The following IMMP2L variants were observed in gnomAD, a reference collection of about 807,000 sequenced individuals.
IMMP2L encodes inner mitochondrial membrane peptidase subunit 2.
Under a neutral mutation model 19.3 loss-of-function variants are expected in IMMP2L, and 18 were observed. That is an observed-to-expected ratio of 0.93 (90% CI 0.64 to 1.38). The LOEUF (loss-of-function observed/expected upper bound fraction) is 1.38, where lower values mean the gene tolerates loss of function less well. Ranked by LOEUF, IMMP2L falls within the 40% of genes most tolerant of loss-of-function variation. IMMP2L has a pLI of 0.00. For synonymous variants in IMMP2L, 76 were observed against 73.0 expected (o/e 1.04, Z -0.21); for missense variants, 233 against 218.2 (o/e 1.07, Z -0.43).
intron 3 of IMMP2L, among the ~76,000 whole-genome samples, chr7:111,294,500 C>T (rs1821426461): frequency 1.3e-5 from 2 of 151,854 alleles, no homozygotes; most frequent in Admixed American, 6.6e-5. Flanking sequence ...TATATCTAGG[C>T]TGTAATTCTT....
intron 2 of IMMP2L, among the ~76,000 whole-genome samples, chr7:111,500,438 T>C (rs573478933): frequency 3.0e-4 from 45 of 152,288 alleles, no homozygotes; most frequent in Non-Finnish European, 5.7e-4. Context: ...TGTCCCTGTC[T>C]GACAGCTTTG....
At chr7:111,537,231 T>C (rs1045632282) in intron 1 of IMMP2L, among the ~76,000 whole-genome samples, 2 of 152,110 alleles carry the variant, frequency 1.3e-5, no homozygotes, top group Admixed American at 6.5e-5. Flanking sequence ...TGAAGAAAGA[T>C]GGATTTTATA....
intron 5 of IMMP2L, among the ~76,000 whole-genome samples, chr7:110,783,251 CA>C (rs1463090016): frequency 6.6e-6 from 1 of 151,622 alleles, no homozygotes; most frequent in Non-Finnish European, 1.5e-5. Context: ...GATTGAAGCC[CA>C]GTATTAATAT....
intron 2 of IMMP2L, among the ~76,000 whole-genome samples, chr7:111,501,614 C>T (rs1165647293): frequency 6.6e-6 from 1 of 152,196 alleles, no homozygotes; most frequent in Non-Finnish European, 1.5e-5. Flanking sequence ...ATCAGACAAA[C>T]AGCGGATCTC....
At chr7:110,836,950 T>G (rs1052638646) in intron 5 of IMMP2L, among the ~76,000 whole-genome samples, 1 of 152,152 alleles carries the variant, frequency 6.6e-6, no homozygotes, top group Non-Finnish European at 1.5e-5. Context: ...AAAAGTAATA[T>G]GGCAAGGTCC....
intron 3 of IMMP2L, among the ~76,000 whole-genome samples, chr7:111,189,032 T>G (rs908948970): frequency 2.6e-5 from 4 of 152,080 alleles, no homozygotes; most frequent in African/African-American, 9.7e-5. Flanking sequence ...CACCTACTAG[T>G]ACCGTTGAGA....
At chr7:110,828,996 T>C (rs1803733731) in intron 5 of IMMP2L, among the ~76,000 whole-genome samples, 1 of 152,194 alleles carries the variant, frequency 6.6e-6, no homozygotes, top group Non-Finnish European at 1.5e-5. Flanking sequence ...CTAATAACAA[T>C]GTTAGAAGTA....
intron 3 of IMMP2L, among the ~76,000 whole-genome samples, chr7:111,330,584 A>C (rs1336707641): frequency 6.6e-6 from 1 of 151,826 alleles, no homozygotes; most frequent in Non-Finnish European, 1.5e-5. Flanking sequence ...ATAAAGGAAA[A>C]ATCCTCAGGG....
intron 2 of IMMP2L, among the ~76,000 whole-genome samples, chr7:111,508,547 A>T (rs571132365): frequency 6.6e-6 from 1 of 152,194 alleles, no homozygotes; most frequent in South Asian, 2.1e-4. Context: ...CAGCCAAGAG[A>T]GGGCACAGAG....
chr7:110,927,620 C>A (rs1052884981), intron 4 of IMMP2L, among the ~76,000 whole-genome samples: 4 of 152,016 alleles, frequency 2.6e-5, no homozygotes, highest in Non-Finnish European at 5.9e-5. Flanking sequence ...GCCAAGGAGC[C>A]AAGGAAGGTG....
chr7:111,235,950 C>T (rs1369018597), intron 3 of IMMP2L, among the ~76,000 whole-genome samples: 1 of 152,002 alleles, frequency 6.6e-6, no homozygotes, highest in Non-Finnish European at 1.5e-5. Flanking sequence ...TCTTTGTAGA[C>T]TAAACTGTCA....
Position 111,539,250 on chromosome 7 carries a change from GAAA to G in IMMP2L, c.-2-17804_-2-17802del, listed in dbSNP as rs1563331371. Among the ~76,000 whole-genome samples, 163 of 143,748 alleles carry G rather than the reference GAAA, an allele frequency of 1.1e-3. 1 individual carries two copies. The highest frequency in any genetic ancestry group is 1.1e-3 in the Admixed American group (16 of 14,416). 94.3% of individuals were successfully genotyped at this position (143,748 alleles called of 152,430 possible). A position where few individuals can be genotyped will look rare whatever the true frequency, so the allele number is the denominator to read the frequency against. On this transcript the variant is annotated intron_variant, in intron 1 of 5. Transcript: ENST00000405709. ...AGAAAGAAAGAAAGAAAGAAAGAAA[GAAA>G]GAAAGAAAGAAAGAAAGAGAACATA...
intron 3 of IMMP2L, among the ~76,000 whole-genome samples, chr7:111,157,772 G>A (rs944291144): frequency 7.9e-5 from 12 of 151,892 alleles, no homozygotes; most frequent in East Asian, 1.9e-4. Context: ...TGAGGTAATC[G>A]ATATCCCATT....
Position 111,538,331 on chromosome 7 carries a change from C to T in IMMP2L, c.-2-16882G>A, listed in dbSNP as rs1403508629. ...CCTTGATTGAACAGCACTGCACAAC[C>T]ACATGCCATAAATTTTATGTGTGTG... On this transcript the variant is annotated intron_variant, in intron 1 of 5. Coordinates refer to ENST00000405709, the MANE Select transcript of IMMP2L (RefSeq NM_032549.4). 2.6e-5 allele frequency among the ~76,000 whole-genome samples: 4 copies of T among 152,016 alleles called. No individual in the cohort carries two copies. The East Asian group carries it at 7.7e-4, about 29-fold the overall frequency.
At chr7:111,498,288 T>C (rs931116305) in intron 2 of IMMP2L, among the ~76,000 whole-genome samples, 9 of 152,128 alleles carry the variant, frequency 5.9e-5, no homozygotes, top group African/African-American at 1.9e-4. Context: ...TAATTTATAG[T>C]TCTAATTAAC....
chr7:111,510,999 G>A (rs1845388615), intron 2 of IMMP2L, among the ~76,000 whole-genome samples: 1 of 152,124 alleles, frequency 6.6e-6, no homozygotes, highest in Non-Finnish European at 1.5e-5. Context: ...GAGAGAGCAT[G>A]GAGGATCACA....
intron 4 of IMMP2L, among the ~76,000 whole-genome samples, chr7:110,911,523 G>A (rs778584910): frequency 7.9e-5 from 12 of 152,042 alleles, no homozygotes; most frequent in Non-Finnish European, 1.8e-4. Context: ...CATTGAAACA[G>A]TACAAATAAA....
At chr7:110,832,977 T>C (rs1804104873) in intron 5 of IMMP2L, among the ~76,000 whole-genome samples, 1 of 152,206 alleles carries the variant, frequency 6.6e-6, no homozygotes, top group African/African-American at 2.4e-5. Flanking sequence ...GGAACTCTAC[T>C]GGTGATCAGT....
chr7:111,104,636 G>A (rs905812246), intron 3 of IMMP2L, among the ~76,000 whole-genome samples: 1 of 151,576 alleles, frequency 6.6e-6, no homozygotes, highest in Non-Finnish European at 1.5e-5. Flanking sequence ...TTTGATTCGG[G>A]GAGCAAATGC....
Sources: gnomAD v4.1 joint callset for allele counts (sites outside exome capture counted in the v4.1 genomes callset) on GRCh38, gnomAD v4.1.1 for gene constraint, MANE v1.5 for transcripts, NCBI Gene and HGNC (gene_info 2026-07-23, HGNC 2026-07-21) for gene names.